The following CAMK1D variants were observed in gnomAD, a reference collection of about 807,000 sequenced individuals.
CAMK1D encodes calcium/calmodulin-dependent protein kinase type 1D.
CAMK1D carries 9 observed loss-of-function variants against 47.7 expected under a neutral mutation model. The ratio of observed to expected loss-of-function variants is 0.19; its 90% CI spans 0.11 to 0.33. CAMK1D has a LOEUF of 0.33. Ranked by LOEUF, CAMK1D falls within the 10% of genes least tolerant of loss-of-function variation. The pLI is 1.00. For synonymous variants in CAMK1D, 184 were observed against 184.9 expected, an observed-to-expected ratio of 0.99 and a Z score of 0.04; for missense variants, 291 against 488.7, an observed-to-expected ratio of 0.60 and a Z score of 3.81.
chr10:12,546,897 A>G (rs1183034188), intron 1 of CAMK1D, among the ~76,000 whole-genome samples: 1 of 152,114 alleles, frequency 6.6e-6, no homozygotes, highest in African/African-American at 2.4e-5. Context: ...AACATGGCAC[A>G]TGTATAGATA....
At chr10:12,581,244 T>G (rs1201955424) in intron 2 of CAMK1D, among the ~76,000 whole-genome samples, 2 of 152,248 alleles carry the variant, frequency 1.3e-5, no homozygotes, top group Admixed American at 6.5e-5. Flanking sequence ...CTGAGTAGTA[T>G]TCCATGGTAT....
intron 2 of CAMK1D, among the ~76,000 whole-genome samples, chr10:12,569,631 A>C (rs980444800): frequency 6.9e-6 from 1 of 145,490 alleles, no homozygotes; most frequent in Non-Finnish European, 1.5e-5. Context: ...AGGCAGGAGA[A>C]TGGCGTGAAC....
chr10:12,548,833 A>G (rs1836487402), intron 1 of CAMK1D, among the ~76,000 whole-genome samples: 1 of 151,690 alleles, frequency 6.6e-6, no homozygotes, highest in Admixed American at 6.6e-5. Context: ...GCAACCATCA[A>G]CCCCATGCAT....
intron 1 of CAMK1D, among the ~76,000 whole-genome samples, chr10:12,551,760 A>C (rs1187817009): frequency 2.6e-5 from 4 of 152,160 alleles, no homozygotes; most frequent in Non-Finnish European, 5.9e-5. Flanking sequence ...TAAAGTGCAC[A>C]AGAAATGTAA....
chr10:12,478,302 C>T (rs1226324908), intron 1 of CAMK1D, among the ~76,000 whole-genome samples: 1 of 150,678 alleles, frequency 6.6e-6, no homozygotes, highest in Admixed American at 6.6e-5. Context: ...GCCACTGCAC[C>T]CAACCTGTAC....
intron 10 of CAMK1D, among the ~76,000 whole-genome samples, chr10:12,828,111 G>A (rs1833321911): frequency 6.6e-6 from 1 of 152,168 alleles, no homozygotes; most frequent in Non-Finnish European, 1.5e-5. Context: ...TATAAGAAGT[G>A]GACAATTCGT....
At chr10:12,446,380 A>G (rs557877747) in intron 1 of CAMK1D, among the ~76,000 whole-genome samples, 1 of 152,216 alleles carries the variant, frequency 6.6e-6, no homozygotes, top group South Asian at 2.1e-4. Flanking sequence ...GCATTTGTAA[A>G]CTGTCATGGT....
At chr10:12,708,137 C>G (rs912266858) in intron 3 of CAMK1D, among the ~76,000 whole-genome samples, 2 of 152,204 alleles carry the variant, frequency 1.3e-5, no homozygotes, top group Admixed American at 6.5e-5. Flanking sequence ...GCTGCACACA[C>G]AGTGGTTTTA....
chr10:12,737,627 A>G (rs76340015), intron 3 of CAMK1D, among the ~76,000 whole-genome samples: 2,518 of 152,246 alleles, frequency 0.017, 86 homozygotes, highest in African/African-American at 0.058. Context: ...CTGCTCTGCC[A>G]TCCCTTCCCT....
At chr10:12,472,010 G>C (rs1588523935) in intron 1 of CAMK1D, among the ~76,000 whole-genome samples, 2 of 149,482 alleles carry the variant, frequency 1.3e-5, no homozygotes, top group East Asian at 4.0e-4. Flanking sequence ...ACTCCTGCCT[G>C]GGAGACAGAG....
intron 6 of CAMK1D, among the ~76,000 whole-genome samples, chr10:12,807,377 C>A (rs1432417190): frequency 1.3e-5 from 2 of 152,226 alleles, no homozygotes; most frequent in African/African-American, 4.8e-5. Flanking sequence ...AGCCTCACCA[C>A]TGAGTGGAGA....
At chr10:12,536,987 T>C (rs1355631428) in intron 1 of CAMK1D, among the ~76,000 whole-genome samples, 1 of 152,248 alleles carries the variant, frequency 6.6e-6, no homozygotes, top group Non-Finnish European at 1.5e-5. Context: ...TAAATTCTTT[T>C]CTGTAGCCAT....
chr10:12,700,309 G>A (rs1833462901), intron 3 of CAMK1D, among the ~76,000 whole-genome samples: 1 of 152,142 alleles, frequency 6.6e-6, no homozygotes, highest in Non-Finnish European at 1.5e-5. Flanking sequence ...ATGGCAAAGG[G>A]GGAAGCAAAC....
intron 1 of CAMK1D, among the ~76,000 whole-genome samples, chr10:12,469,730 A>G (rs2768411): frequency 0.38 from 58,044 of 152,122 alleles, 11,292 homozygotes; most frequent in Non-Finnish European, 0.41. Context: ...GGAGAAAACA[A>G]TGTTATATTT....
At chr10:12,422,253 T>C (rs1226686728) in intron 1 of CAMK1D, among the ~76,000 whole-genome samples, 1 of 152,148 alleles carries the variant, frequency 6.6e-6, no homozygotes, top group Non-Finnish European at 1.5e-5. Flanking sequence ...TGCTAGCAGG[T>C]GTTGAGGGGC....
rs559716619 is a variant in CAMK1D at position 12,437,877 on chromosome 10, G to T, written c.92+87967G>T. Among the ~76,000 whole-genome samples, 7 of 152,152 alleles carry T rather than the reference G, an allele frequency of 4.6e-5. No homozygotes were observed. The South Asian group carries it at 1.5e-3, about 32-fold the overall frequency. On this transcript the variant is annotated intron_variant, in intron 1 of 10. Transcript: ENST00000619168. ...GACTATTTTCCTGCCTCTGTATTTT[G>T]CCTTTTCTAGAGTGTCATGTACTTG... is the stretch of plus-strand genomic sequence containing the variant.
At chr10:12,528,612 C>T (rs1412337304) in intron 1 of CAMK1D, among the ~76,000 whole-genome samples, 1 of 152,148 alleles carries the variant, frequency 6.6e-6, no homozygotes, top group Non-Finnish European at 1.5e-5. Flanking sequence ...AGCCCACCTC[C>T]TGATTTTAAA....
At chr10:12,737,604 GT>G (rs1272981951) in intron 3 of CAMK1D, among the ~76,000 whole-genome samples, 1 of 152,118 alleles carries the variant, frequency 6.6e-6, no homozygotes, top group Non-Finnish European at 1.5e-5. Context: ...ACTTCTGCCT[GT>G]GACCTTACCC....
intron 2 of CAMK1D, among the ~76,000 whole-genome samples, chr10:12,625,578 G>T (rs776087168): frequency 1.3e-5 from 2 of 150,732 alleles, no homozygotes; most frequent in Non-Finnish European, 3.0e-5. Flanking sequence ...CAATCCTCTC[G>T]CCTCCGCCTC....
Sources: gnomAD v4.1 joint callset for allele counts (sites outside exome capture counted in the v4.1 genomes callset) on GRCh38, gnomAD v4.1.1 for gene constraint, MANE v1.5 for transcripts, NCBI Gene and HGNC (gene_info 2026-07-23, HGNC 2026-07-21) for gene names.